MUC3A: variants seen among roughly 807,000 people sequenced by gnomAD.
MUC3A encodes mucin-3A.
A neutral mutation model predicts 109.0 loss-of-function variants in MUC3A; 109 were observed. The observed-to-expected ratio is 1.00, with a 90% CI of 0.86 to 1.17. MUC3A has a LOEUF of 1.17. Among genes scored for constraint, MUC3A ranks in the 50% most tolerant of loss-of-function variants. The probability of loss-of-function intolerance (pLI) is 0.00; values close to 1 mark genes in which losing one functional copy is unlikely to be tolerated. For synonymous variants in MUC3A, 1,398 were observed against 981.4 expected, an observed-to-expected ratio of 1.42 and a Z score of -7.93; for missense variants, 3,537 against 2,469.4, an observed-to-expected ratio of 1.43 and a Z score of -9.16.
rs778270364 is a variant in MUC3A at position 100,949,594 on chromosome 7, G to C, written c.-31G>C. ...TGCCGCTGTCTTGGTCCTGAAGCCT[G>C]TTCTGCCCCAGCCCCCTGCCCGCTG... is the stretch of plus-strand genomic sequence containing the variant. On this transcript the variant is annotated 5_prime_UTR_variant, in exon 1 of 12. Coordinates refer to ENST00000379458, the MANE Select transcript of MUC3A (RefSeq NM_005960.2). 1.3e-6 allele frequency: 2 copies of C among 1,537,034 alleles called. No homozygotes were observed. Among genetic ancestry groups the C allele is most frequent in the African/African-American group, 1.4e-5 (1 of 72,436 alleles).
chr7:100,964,597 T>G, intron 5 of MUC3A, 98 bp from the exon 6 acceptor site: 1 of 1,497,920 alleles, frequency 6.7e-7, no homozygotes, highest in Non-Finnish European at 8.9e-7. Context: ...TCTGCTCCCT[T>G]CCCCCTTCTG....
rs766434685 is a variant in MUC3A at position 100,951,883 on chromosome 7, C to T, written c.104C>T (p.Pro35Leu). ...ACATCCATCTCTCAAGTGCCTTTCC[C>T]CAGAGCAGAAGCAGCCAGCGCTGTG... is the stretch of plus-strand genomic sequence containing the variant. ...TATSISQVPF[P>L]RAEAASAVLS... The change falls in exon 2 of 12, where the codon CCC becomes CTC. Residue 35 changes from proline (P) to leucine (L), a missense_variant. Pro to Leu is a moderately conservative substitution (Grantham distance 98). Coordinates refer to ENST00000379458, the MANE Select transcript of MUC3A (RefSeq NM_005960.2). 6.3e-7 allele frequency: 1 copy of T among 1,598,606 alleles called. No homozygotes were observed. The highest frequency in any genetic ancestry group is 8.5e-7 in the Non-Finnish European group (1 of 1,179,696).
Position 100,959,661 on chromosome 7 carries a change from C to G in MUC3A, c.7882C>G (p.Gln2628Glu), listed in dbSNP as rs1792246850. 6.3e-7 allele frequency: 1 copy of G among 1,598,530 alleles called. No individual in the cohort carries two copies. The highest frequency in any genetic ancestry group is 1.7e-5 in the Admixed American group (1 of 60,034). The change falls in exon 2 of 12, where the codon CAG (glutamine) becomes GAG (glutamate). Residue 2628 changes from glutamine to glutamate, a missense_variant. By Grantham distance (29) the Gln-to-Glu change is conservative. Transcript: ENST00000379458. ...TALSTIVSTSQVPIPSTHSST... is the reference protein window; with the variant it reads ...TALSTIVSTSEVPIPSTHSST... ...CTTGAGCACGATCGTGTCAACATCACAGGTTCCTATTCCTAGCACACATTC... is the reference window on the plus strand; with the variant it reads ...CTTGAGCACGATCGTGTCAACATCAGAGGTTCCTATTCCTAGCACACATTC...
chr7:100,953,745 A>C lies in MUC3A; in HGVS notation c.1966A>C (p.Thr656Pro). The C allele has an allele frequency of 2.4e-6, 1 of 421,544 alleles. No homozygotes were observed. 26.1% of individuals were successfully genotyped at this position (421,544 alleles called of 1,614,324 possible). The change falls in exon 2 of 12, where the codon ACC (threonine) becomes CCC (proline). Residue 656 changes from threonine to proline, a missense_variant. Transcript: ENST00000379458. The stretch of plus-strand genomic sequence containing the variant: ...GACAACTACGACCTCTCCTCCCACA[A>C]CCACCAATTCTTTTACATCACTGAC... ...SMTTTTSPPT[T>P]TNSFTSLTSM...
Position 100,958,038 on chromosome 7 carries a change from T to G in MUC3A, c.6259T>G (p.Ser2087Ala). 7.7e-7 allele frequency: 1 copy of G among 1,306,080 alleles called. No individual in the cohort carries two copies. Among genetic ancestry groups the G allele is most frequent in the Non-Finnish European group, 1.1e-6 (1 of 914,590 alleles). The allele number at this position is 1,306,080 out of a possible 1,614,324, so 80.9% of individuals were successfully genotyped here. ...TTSITTTETP[S>A]HSTLSFTSSI... is the part of the protein sequence containing the mutation. ...CTCAATCACCACCACCGAGACCCCC[T>G]CACACAGTACTCTCAGCTTCACTTC... The change falls in exon 2 of 12, where the codon TCA becomes GCA. Residue 2087 changes from serine to alanine, a missense_variant. Coordinates refer to ENST00000379458, the MANE Select transcript of MUC3A (RefSeq NM_005960.2).
intron 8 of MUC3A, 117 bp from the exon 9 acceptor site, chr7:100,966,269 A>ACCCCCCAGCTTGCCCTAGAGTGGAAC: frequency 1.0e-6 from 1 of 984,760 alleles, no homozygotes; most frequent in African/African-American, 1.7e-5. Flanking sequence ...CTAGGGTGGA[A>ACCCCCCAGCTTGCCCTAGAGTGGAAC]CCCCCCGCTG....
Position 100,960,517 on chromosome 7 carries a change from C to A in MUC3A, c.8738C>A (p.Ser2913Tyr). 1 of 1,598,696 alleles carries A rather than the reference C, an allele frequency of 6.3e-7. No homozygotes were observed. The highest frequency in any genetic ancestry group is 1.1e-5 in the South Asian group (1 of 91,092). The change falls in exon 2 of 12, where the codon TCC becomes TAC. Residue 2913 changes from serine to tyrosine, a missense_variant. Ser to Tyr is a moderately radical substitution (Grantham distance 144). Coordinates refer to ENST00000379458, the MANE Select transcript of MUC3A (RefSeq NM_005960.2). ...LRTSSKSTHP[S>Y]PPTTRTSETP... ...ACTTCAAGCAAGTCAACACACCCCT[C>A]CCCACCCACCACTAGGACTTCAGAG...
chr7:100,965,241 G>A (rs1792489097), intron 6 of MUC3A, 41 bp from the exon 7 acceptor site: 1 of 2,532 alleles, frequency 3.9e-4, no homozygotes, highest in Non-Finnish European at 6.7e-4. Flanking sequence ...TTAACCCCTT[G>A]ATCTGCCCCG....
At chr7:100,964,557 A>C in intron 5 of MUC3A, 138 bp from the exon 6 acceptor site, 1 of 1,359,610 alleles carries the variant, frequency 7.4e-7, no homozygotes, top group Non-Finnish European at 9.7e-7. Context: ...CCTTCTGAAA[A>C]GGATGCACGT....
At chr7:100,964,453 G>T (rs1403957381) in intron 5 of MUC3A, 5 of 589,098 alleles carry the variant, frequency 8.5e-6, no homozygotes, top group South Asian at 3.5e-5. Context: ...GCAAGACTTT[G>T]TCTCTATAAA....
intron 6 of MUC3A, chr7:100,965,064 G>T: frequency 1.8e-6 from 2 of 1,113,990 alleles, no homozygotes; most frequent in Non-Finnish European, 2.5e-6. Flanking sequence ...GTCATGGTCA[G>T]CATTTCCCGG....
Position 100,954,377 on chromosome 7 carries a change from C to G in MUC3A, c.2598C>G (p.Val866=), listed in dbSNP as rs1792049287. 2.5e-6 allele frequency: 1 copy of G among 402,158 alleles called. No homozygotes were observed. The highest frequency in any genetic ancestry group is 4.4e-6 in the Non-Finnish European group (1 of 228,754). 24.9% of individuals were successfully genotyped at this position (402,158 alleles called of 1,614,324 possible). A position where few individuals can be genotyped will look rare whatever the true frequency, so the allele number is the denominator to read the frequency against. ...CTGTCATTCCCTCATCTCCCACTGT[C>G]CAGAATACAGAAATCTCAATCTCTG... ...PTTVIPSSPT[V]QNTEISISVS... Residue 866 remains valine, a synonymous_variant, in exon 2 of 12, where the codon GTC becomes GTG. Coordinates refer to ENST00000379458, the MANE Select transcript of MUC3A (RefSeq NM_005960.2).
Position 100,967,752 on chromosome 7 carries a change from A to C in MUC3A, c.*590A>C. ...CCCTTTTGACCCCGTTCCTTCATCC[A>C]TCCTGCACCCCAGTCCCCCAGCCCT... On this transcript the variant is annotated 3_prime_UTR_variant, in exon 12 of 12. Coordinates refer to ENST00000379458, the MANE Select transcript of MUC3A (RefSeq NM_005960.2). 1 of 184,960 alleles carries C rather than the reference A, an allele frequency of 5.4e-6. No homozygotes were observed. The highest frequency in any genetic ancestry group is 1.1e-5 in the Non-Finnish European group (1 of 88,616). 11.5% of individuals were successfully genotyped at this position (184,960 alleles called of 1,614,324 possible).
Position 100,960,074 on chromosome 7 carries a change from C to G in MUC3A, c.8295C>G (p.Ser2765=). 2 of 1,513,460 alleles carry G rather than the reference C, an allele frequency of 1.3e-6. No individual in the cohort carries two copies. The highest frequency in any genetic ancestry group is 2.6e-5 in the South Asian group (2 of 75,624). The allele number at this position is 1,513,460 out of a possible 1,614,324, so 93.8% of individuals were successfully genotyped here. A position where few individuals can be genotyped will look rare whatever the true frequency, so the allele number is the denominator to read the frequency against. ...ITPFSYISLP[S]TTPCPGTITI... is the part of the protein sequence containing the mutation. ...CCTTTTCTTATATTTCCCTTCCCTC[C>G]ACCACACCCTGTCCAGGAACTATAA... The change falls in exon 2 of 12, where the codon TCC becomes TCG. Residue 2765 remains serine (S), a synonymous_variant. Transcript: ENST00000379458.
At chr7:100,964,511 C>A (rs891073756) in intron 5 of MUC3A, 184 bp from the exon 6 acceptor site, 2 of 979,448 alleles carry the variant, frequency 2.0e-6, no homozygotes, top group Admixed American at 3.2e-5. Context: ...CTTGTCCTGC[C>A]TTCCCAGGCA....
chr7:100,959,458 A>G lies in MUC3A; in HGVS notation c.7679A>G (p.Asn2560Ser). Residue 2560 changes from asparagine to serine, a missense_variant, in exon 2 of 12, where the codon AAC becomes AGC. By Grantham distance (46) the Asn-to-Ser change is conservative. Coordinates refer to ENST00000379458, the MANE Select transcript of MUC3A (RefSeq NM_005960.2). ...AGAATGACCCTCAGAATTACTGAGA[A>G]CACCCCAATCAGTTCCTTTAGCACA... is the stretch of plus-strand genomic sequence containing the variant. ...TVRMTLRITENTPISSFSTSI... is the reference protein window; with the variant it reads ...TVRMTLRITESTPISSFSTSI... 1 of 1,565,922 alleles carries G rather than the reference A, an allele frequency of 6.4e-7. No homozygotes were observed. Among genetic ancestry groups the G allele is most frequent in the Non-Finnish European group, 8.6e-7 (1 of 1,166,084 alleles).
rs765823021 is a variant in MUC3A, at chr7:100,959,848, T to C, written c.8069T>C (p.Met2690Thr). 2 of 1,567,130 alleles carry C rather than the reference T, an allele frequency of 1.3e-6. No homozygotes were observed. Among genetic ancestry groups the C allele is most frequent in the East Asian group, 4.5e-5 (2 of 44,736 alleles). Residue 2690 changes from methionine (M) to threonine (T), a missense_variant, in exon 2 of 12, where the codon ATG becomes ACG. Transcript: ENST00000379458. ...IIWSSTPTII[M>T]SSSPSSASIT... ...TGGTCCTCAACACCCACTATTATCATGTCCTCTTCTCCATCTTCTGCCAGC... is the reference window on the plus strand; with the variant it reads ...TGGTCCTCAACACCCACTATTATCACGTCCTCTTCTCCATCTTCTGCCAGC...
intron 6 of MUC3A, 120 bp from the exon 7 acceptor site, chr7:100,965,162 T>TAC: frequency 1.4e-6 from 2 of 1,403,454 alleles, no homozygotes; most frequent in African/African-American, 1.4e-5. Flanking sequence ...GAGAGGGCTC[T>TAC]CCCAGACGGA....
intron 7 of MUC3A, 172 bp downstream of exon 7, chr7:100,965,519 G>C: frequency 7.1e-7 from 1 of 1,416,140 alleles, no homozygotes. Context: ...AGGACAGCAG[G>C]GGCCACGAGG....
Sources: gnomAD v4.1 joint callset for allele counts on GRCh38, gnomAD v4.1.1 for gene constraint, MANE v1.5 for transcripts, NCBI Gene and HGNC (gene_info 2026-07-23, HGNC 2026-07-21) for gene names.